VPS26C: variants seen among roughly 807,000 people sequenced by gnomAD.
VPS26C encodes VPS26 endosomal protein sorting factor C.
In VPS26C, 19 loss-of-function variants were observed where a neutral mutation model predicts 30.6. The ratio of observed to expected loss-of-function variants is 0.62; its 90% CI spans 0.43 to 0.91. The LOEUF is 0.91. Among genes scored for constraint, VPS26C ranks in the 40% least tolerant of loss-of-function variants. The pLI, the probability that VPS26C is intolerant of heterozygous loss-of-function variation, is 0.00. For missense variants in VPS26C, 318 were observed against 385.1 expected (o/e 0.83, Z 1.46); for synonymous variants, 132 against 151.5 (o/e 0.87, Z 0.95).
At chr21:37,234,519 A>G (rs2085999657) in intron 3 of VPS26C, among the ~76,000 whole-genome samples, 2 of 152,234 alleles carry the variant, frequency 1.3e-5, no homozygotes, top group Admixed American at 1.3e-4. Context: ...CTGAGAGACT[A>G]TTTAAAAATG....
chr21:37,244,812 C>A (rs184197703), intron 1 of VPS26C, among the ~76,000 whole-genome samples: 10 of 152,100 alleles, frequency 6.6e-5, no homozygotes, highest in Admixed American at 2.0e-4. Context: ...TGATGAAAAA[C>A]GGAAAGAAGG....
At chr21:37,251,631 A>T (rs2148301295) in intron 1 of VPS26C, among the ~76,000 whole-genome samples, 1 of 152,302 alleles carries the variant, frequency 6.6e-6, no homozygotes, top group South Asian at 2.1e-4. Context: ...GCCCTTGATG[A>T]ATAGGGTGGG....
intron 5 of VPS26C, among the ~76,000 whole-genome samples, chr21:37,230,302 A>G (rs1162172404): frequency 6.6e-6 from 1 of 152,248 alleles, no homozygotes; most frequent in Non-Finnish European, 1.5e-5. Context: ...GATACTGACT[A>G]AACAATCATT....
chr21:37,227,756 T>G lies in VPS26C; in HGVS notation c.709A>C (p.Ile237Leu), dbSNP rs919387355. ...RDATEIQNIQ[I>L]ADGDVCRGLS... The stretch of plus-strand genomic sequence containing the variant: ...CCCCTGCACACATCCCCGTCGGCGA[T>G]CTGAATGTTCTGAATCTCCGTGGCG... Residue 237 changes from isoleucine to leucine, a missense_variant, in exon 7 of 8, where the codon ATC (isoleucine) becomes CTC (leucine). Coordinates refer to ENST00000309117, the MANE Select transcript of VPS26C (RefSeq NM_006052.2). 1.9e-6 allele frequency: 3 copies of G among 1,614,040 alleles called. No homozygotes were observed. Among genetic ancestry groups the G allele is most frequent in the African/African-American group, 1.3e-5 (1 of 74,920 alleles).
intron 1 of VPS26C, among the ~76,000 whole-genome samples, chr21:37,245,625 T>G (rs936245044): frequency 6.6e-6 from 1 of 152,218 alleles, no homozygotes. Flanking sequence ...ATTGTCTGTC[T>G]CCTGCCCCTG....
intron 2 of VPS26C, among the ~76,000 whole-genome samples, chr21:37,240,145 T>C (rs1443803776): frequency 1.3e-5 from 2 of 152,072 alleles, no homozygotes; most frequent in Admixed American, 6.5e-5. Context: ...TTAAGAGACA[T>C]GGTATCTTGC....
intron 3 of VPS26C, among the ~76,000 whole-genome samples, chr21:37,234,591 G>A (rs1016030154): frequency 4.6e-5 from 7 of 152,158 alleles, no homozygotes; most frequent in Admixed American, 2.6e-4. Context: ...CATAATCCAC[G>A]TTTAATAAAG....
Position 37,232,446 on chromosome 21 carries a change from C to T in VPS26C, c.438G>A (p.Gln146=), listed in dbSNP as rs762662868. 6.2e-7 allele frequency: 1 copy of T among 1,614,134 alleles called. No individual in the cohort carries two copies. Among genetic ancestry groups the T allele is most frequent in the Admixed American group, 1.7e-5 (1 of 60,014 alleles). ...TCEFIVHSAP[Q]KGKFTPSPVD... is the part of the protein sequence containing the mutation. The stretch of plus-strand genomic sequence containing the variant: ...CGGGACTGGGAGTAAACTTCCCCTT[C>T]TGAGGCTAAAACGAGAGGTGAAACC... Residue 146 remains glutamine (Q), a synonymous_variant, in exon 5 of 8, where the codon CAG becomes CAA. Coordinates refer to ENST00000309117, the MANE Select transcript of VPS26C (RefSeq NM_006052.2).
Position 37,240,651 on chromosome 21 carries a change from A to C in VPS26C, c.58-12T>G. 6.2e-7 allele frequency: 1 copy of C among 1,609,802 alleles called. No homozygotes were observed. Among genetic ancestry groups the C allele is most frequent in the South Asian group, 1.1e-5 (1 of 90,166 alleles). On this transcript the variant is annotated splice_polypyrimidine_tract_variant and intron_variant, in intron 1 of 7. Coordinates refer to ENST00000309117, the MANE Select transcript of VPS26C (RefSeq NM_006052.2). ...CCAGAGAGCACTTCCTGGGAGAGAA[A>C]AGACAGCCACCAATCAAATTAGCAT...
rs2085869682 is a variant in VPS26C at position 37,223,556 on chromosome 21, C to T, written c.*1988G>A. 6.6e-6 allele frequency: 1 copy of T among 152,186 alleles called. No individual in the cohort carries two copies. Among genetic ancestry groups the T allele is most frequent in the East Asian group, 1.9e-4 (1 of 5,192 alleles). 9.4% of individuals were successfully genotyped at this position (152,186 alleles called of 1,614,324 possible). ...AAAATGGTTTCTTCCTTTAAAATTTCCCAGAAAGTGTGGCCTCTGTTTTCT... is the reference window on the plus strand; with the variant it reads ...AAAATGGTTTCTTCCTTTAAAATTTTCCAGAAAGTGTGGCCTCTGTTTTCT... On this transcript the variant is annotated 3_prime_UTR_variant, in exon 8 of 8. Transcript: ENST00000309117.
At chr21:37,228,053 T>A (rs528860802) in intron 6 of VPS26C, among the ~76,000 whole-genome samples, 170 bp downstream of exon 6, 72 of 152,330 alleles carry the variant, frequency 4.7e-4, no homozygotes, top group African/African-American at 1.7e-3. Context: ...AATGGTGCGA[T>A]CTCAGCTCAC....
chr21:37,235,511 G>A (rs2086010781), intron 3 of VPS26C, among the ~76,000 whole-genome samples: 1 of 152,196 alleles, frequency 6.6e-6, no homozygotes, highest in South Asian at 2.1e-4. Flanking sequence ...CTCTAGAAAT[G>A]AGTGCTGAAT....
At chr21:37,253,074 T>C (rs1435033117) in intron 1 of VPS26C, among the ~76,000 whole-genome samples, 5 of 149,042 alleles carry the variant, frequency 3.4e-5, no homozygotes, top group Non-Finnish European at 7.5e-5. Flanking sequence ...GAAATAGTTA[T>C]ATTACTTTCT....
At chr21:37,263,880 GC>G (rs2148313154) in intron 1 of VPS26C, among the ~76,000 whole-genome samples, 1 of 152,274 alleles carries the variant, frequency 6.6e-6, no homozygotes, top group East Asian at 1.9e-4. Flanking sequence ...CTCCATTGCA[GC>G]CAGCTAAGGG....
At chr21:37,258,543 A>G (rs1602287305) in intron 1 of VPS26C, among the ~76,000 whole-genome samples, 1 of 152,258 alleles carries the variant, frequency 6.6e-6, no homozygotes, top group South Asian at 2.1e-4. Context: ...CTGGAAAATA[A>G]AGTTTTCTCC....
chr21:37,246,635 T>C (rs929295649), intron 1 of VPS26C, among the ~76,000 whole-genome samples: 3 of 152,130 alleles, frequency 2.0e-5, no homozygotes, highest in African/African-American at 4.8e-5. Flanking sequence ...AAAATATAAG[T>C]CCTGACAATG....
At chr21:37,266,445 T>A (rs896443054) in intron 1 of VPS26C, among the ~76,000 whole-genome samples, 2 of 152,170 alleles carry the variant, frequency 1.3e-5, no homozygotes, top group Non-Finnish European at 2.9e-5. Context: ...GCTGCACATA[T>A]ATCACCGGTA....
chr21:37,259,903 G>A lies in VPS26C; in HGVS notation c.57+7335C>T, dbSNP rs141974352. Reference sequence around the variant, plus strand: ...TCTAAGGGTGAACAGACTTCGGAGCGTGGAAAAGAACATGACAATGCCACC... The same window carrying A: ...TCTAAGGGTGAACAGACTTCGGAGCATGGAAAAGAACATGACAATGCCACC... On this transcript the variant is annotated intron_variant, in intron 1 of 7. Transcript: ENST00000309117. Among the ~76,000 whole-genome samples, 9 of 152,314 alleles carry A rather than the reference G, an allele frequency of 5.9e-5. No homozygotes were observed. The East Asian group carries it at 1.3e-3, about 23-fold the overall frequency.
Position 37,233,048 on chromosome 21 carries a change from A to AT in VPS26C, c.432+313dup, listed in dbSNP as rs971315161. Among the ~76,000 whole-genome samples the AT allele has an allele frequency of 6.6e-6, 1 of 152,168 alleles. No homozygotes were observed. The highest frequency in any genetic ancestry group is 2.1e-4 in the South Asian group (1 of 4,836). On this transcript the variant is annotated intron_variant, in intron 4 of 7. Transcript: ENST00000309117. The surrounding 1 kb of genome is among the most constrained non-coding windows in gnomAD (Gnocchi z 5.2). ...CGAGCTTCATGAGAGCCTGCCTGGC[A>AT]TTTTTTATCCAGGGGCTGGGATGCA...
Sources: allele counts gnomAD v4.1 joint callset (sites outside exome capture counted in the v4.1 genomes callset), GRCh38; gene constraint gnomAD v4.1.1; non-coding constraint Gnocchi (gnomAD v3.1); transcripts MANE v1.5; gene names NCBI Gene and HGNC (gene_info 2026-07-23, HGNC 2026-07-21).